The following KPNA3 variants were observed in gnomAD, a reference collection of about 807,000 sequenced individuals.
The protein encoded by KPNA3 is karyopherin subunit alpha 3.
A neutral mutation model predicts 73.8 loss-of-function variants in KPNA3; 13 were observed. The ratio of observed to expected loss-of-function variants is 0.18; its 90% CI spans 0.11 to 0.28. The LOEUF (loss-of-function observed/expected upper bound fraction) is 0.28, where lower values mean the gene tolerates loss of function less well. Ranked by LOEUF, KPNA3 falls within the 10% of genes least tolerant of loss-of-function variation. The pLI is 1.00. For synonymous variants in KPNA3, 186 were observed against 206.9 expected (o/e 0.90, Z 0.87); for missense variants, 360 against 618.1 (o/e 0.58, Z 4.43).
chr13:49,739,161 G>C (rs1954550852), intron 2 of KPNA3, among the ~76,000 whole-genome samples: 1 of 152,128 alleles, frequency 6.6e-6, no homozygotes, highest in Non-Finnish European at 1.5e-5. Context: ...CACTTGGGTG[G>C]ATTTTTTCTT....
At chr13:49,707,037 C>T (rs185475644) in intron 12 of KPNA3, among the ~76,000 whole-genome samples, 1 of 152,166 alleles carries the variant, frequency 6.6e-6, no homozygotes, top group African/African-American at 2.4e-5. Context: ...GCATGAGCCA[C>T]CGCGCCCAGC....
At chr13:49,743,367 C>G (rs1215476673) in intron 2 of KPNA3, among the ~76,000 whole-genome samples, 1 of 152,128 alleles carries the variant, frequency 6.6e-6, no homozygotes, top group African/African-American at 2.4e-5. Context: ...CTCCACATCT[C>G]TGTAAAATCA....
At chr13:49,708,156 C>T (rs553423802) in intron 12 of KPNA3, among the ~76,000 whole-genome samples, 2 of 152,038 alleles carry the variant, frequency 1.3e-5, no homozygotes, top group East Asian at 3.9e-4. Flanking sequence ...CTACCACACC[C>T]GGCTAATTTT....
At chr13:49,754,979 C>G (rs996999572) in intron 1 of KPNA3, among the ~76,000 whole-genome samples, 5 of 151,560 alleles carry the variant, frequency 3.3e-5, no homozygotes, top group African/African-American at 1.2e-4. Flanking sequence ...ATAATCTCTA[C>G]AAAAAACAGA....
At chr13:49,733,350 C>T (rs1032768548) in intron 2 of KPNA3, among the ~76,000 whole-genome samples, 31 of 139,846 alleles carry the variant, frequency 2.2e-4, no homozygotes, top group African/African-American at 7.9e-4. Flanking sequence ...TGCAGTGGCA[C>T]AATCTCAGCT....
intron 12 of KPNA3, among the ~76,000 whole-genome samples, chr13:49,707,541 G>C (rs1954219366): frequency 6.8e-6 from 1 of 147,496 alleles, no homozygotes; most frequent in Admixed American, 6.9e-5. Flanking sequence ...ATTGCTTGCT[G>C]AAGTTGAGAT....
At chr13:49,788,717 CTTTT>C (rs143440962) in intron 1 of KPNA3, among the ~76,000 whole-genome samples, 97 of 112,674 alleles carry the variant, frequency 8.6e-4, no homozygotes, top group African/African-American at 1.1e-3. Flanking sequence ...GCCAGACCCT[CTTTT>C]TTTTTTTTTT....
intron 1 of KPNA3, among the ~76,000 whole-genome samples, chr13:49,755,264 T>A (rs1309470635): frequency 6.6e-6 from 1 of 152,162 alleles, no homozygotes; most frequent in African/African-American, 2.4e-5. Context: ...AATGATTATA[T>A]TATTCAATGC....
Position 49,742,585 on chromosome 13 carries a change from T to G in KPNA3, c.114+4364A>C, listed in dbSNP as rs1384433535. 2.0e-5 allele frequency among the ~76,000 whole-genome samples: 3 copies of G among 152,134 alleles called. No individual in the cohort carries two copies. The East Asian group carries it at 5.8e-4, about 29-fold the overall frequency. On this transcript the variant is annotated intron_variant, in intron 2 of 16. Transcript: ENST00000261667. ...ATTCTTTTAAGATTGCTTTGGCTAT[T>G]TGGGGTCTTCTGTGGTTTCATATAA...
At chr13:49,740,719 T>G (rs1419747711) in intron 2 of KPNA3, among the ~76,000 whole-genome samples, 1 of 152,196 alleles carries the variant, frequency 6.6e-6, no homozygotes, top group East Asian at 1.9e-4. Flanking sequence ...CTGACCAATA[T>G]ACCATGTTCT....
At chr13:49,707,579 C>G (rs1456602751) in intron 12 of KPNA3, among the ~76,000 whole-genome samples, 1 of 151,900 alleles carries the variant, frequency 6.6e-6, no homozygotes, top group Non-Finnish European at 1.5e-5. Context: ...TTCCTCTACC[C>G]CCCACGATAC....
intron 2 of KPNA3, among the ~76,000 whole-genome samples, chr13:49,743,667 T>C (rs1442443083): frequency 1.3e-5 from 2 of 151,444 alleles, no homozygotes; most frequent in East Asian, 3.9e-4. Flanking sequence ...TTTAGTTCTA[T>C]AAATTAGAGA....
rs977446452 is a variant in KPNA3, at chr13:49,714,259, T to TA, written c.772-3238dup. On this transcript the variant is annotated intron_variant, in intron 10 of 16. Transcript: ENST00000261667. ...ATAGAAAAATCATAGATCTAACTAA[T>TA]AAACTGAAACCCTGGTTCTCTGAAA... is the stretch of plus-strand genomic sequence containing the variant. Among the ~76,000 whole-genome samples the TA allele has an allele frequency of 9.0e-4, 136 of 151,458 alleles. 1 individual carries two copies. The highest frequency in any genetic ancestry group is 3.2e-3 in the African/African-American group (132 of 41,256).
intron 10 of KPNA3, among the ~76,000 whole-genome samples, 192 bp downstream of exon 10, chr13:49,719,582 AT>A (rs1269270445): frequency 1.3e-5 from 2 of 152,180 alleles, no homozygotes; most frequent in Non-Finnish European, 2.9e-5. Flanking sequence ...AAAAGTGAGC[AT>A]TTTTGCTGTC....
chr13:49,727,953 C>T (rs183180615), intron 6 of KPNA3, among the ~76,000 whole-genome samples: 3 of 152,044 alleles, frequency 2.0e-5, no homozygotes, highest in Admixed American at 6.5e-5. Context: ...AGGGACAAGT[C>T]GGCCGGGCAT....
chr13:49,704,233 C>A (rs944187934), intron 15 of KPNA3, among the ~76,000 whole-genome samples: 1 of 151,932 alleles, frequency 6.6e-6, no homozygotes, highest in Non-Finnish European at 1.5e-5. Context: ...ACCAGCCTGA[C>A]CAACACGGAG....
intron 12 of KPNA3, 66 bp from the exon 13 acceptor site, chr13:49,706,438 T>C (rs1208782674): frequency 9.4e-7 from 1 of 1,063,136 alleles, no homozygotes; most frequent in Non-Finnish European, 1.4e-6. Flanking sequence ...CTTTCTAATA[T>C]ATTTTATATA....
At chr13:49,702,079 G>A (rs772336290) in intron 16 of KPNA3, among the ~76,000 whole-genome samples, 181 bp from the exon 17 acceptor site, 50 of 152,052 alleles carry the variant, frequency 3.3e-4, no homozygotes, top group Non-Finnish European at 5.9e-4. Context: ...AACACGTTTC[G>A]AAACTGCATT....
intron 1 of KPNA3, among the ~76,000 whole-genome samples, chr13:49,772,205 C>T (rs1169206255): frequency 6.6e-6 from 1 of 152,130 alleles, no homozygotes; most frequent in Admixed American, 6.5e-5. Context: ...AAATCTGGTA[C>T]AATACTGAAT....
Sources: gnomAD v4.1 joint callset for allele counts (sites outside exome capture counted in the v4.1 genomes callset) on GRCh38, gnomAD v4.1.1 for gene constraint, MANE v1.5 for transcripts, NCBI Gene and HGNC (gene_info 2026-07-23, HGNC 2026-07-21) for gene names.